Variants in HIPK2 observed in about 807,000 individuals in gnomAD.
HIPK2 encodes the protein homeodomain interacting protein kinase 2, also known as homeodomain-interacting protein kinase 2.
A neutral mutation model predicts 113.7 loss-of-function variants in HIPK2; 27 were observed. The ratio of observed to expected loss-of-function variants is 0.24; its 90% CI spans 0.17 to 0.33. HIPK2 has a LOEUF of 0.33. Ranked by LOEUF, HIPK2 falls within the 10% of genes least tolerant of loss-of-function variation. HIPK2 has a pLI of 1.00. For synonymous variants in HIPK2, 631 were observed against 642.2 expected (o/e 0.98, Z 0.26); for missense variants, 1,257 against 1,588.0 (o/e 0.79, Z 3.54).
chr7:139,660,370 G>A (rs907289486), intron 2 of HIPK2, among the ~76,000 whole-genome samples: 6 of 152,100 alleles, frequency 3.9e-5, no homozygotes, highest in Non-Finnish European at 7.4e-5. Context: ...AGCTGAATTC[G>A]CCTATCATGT....
intron 7 of HIPK2, among the ~76,000 whole-genome samples, chr7:139,618,446 G>A (rs114989399): frequency 0.011 from 1,644 of 152,168 alleles, 27 homozygotes; most frequent in African/African-American, 0.038. Context: ...CCTTACCCAC[G>A]ACTCTGGCCC....
rs185305305 is a variant in HIPK2 at position 139,672,526 on chromosome 7, C to T, written c.1104-40801G>A. On this transcript the variant is annotated intron_variant, in intron 2 of 14. Transcript: ENST00000406875. Reference sequence around the variant, plus strand: ...TGTAGCTCCAGCTGGAGTGCAATGGCGCGATCTCGGCTCACTGCAACCTCT... The same window carrying T: ...TGTAGCTCCAGCTGGAGTGCAATGGTGCGATCTCGGCTCACTGCAACCTCT... 9.9e-3 allele frequency among the ~76,000 whole-genome samples: 1,502 copies of T among 152,140 alleles called. 13 individuals carry two copies. Among genetic ancestry groups the T allele is most frequent in the Middle Eastern group, 0.034 (10 of 294 alleles).
chr7:139,731,163 C>G (rs1020739056), intron 1 of HIPK2, among the ~76,000 whole-genome samples: 10 of 152,222 alleles, frequency 6.6e-5, no homozygotes, highest in African/African-American at 2.4e-4. Context: ...AAAGGCATGT[C>G]TGTACTCAAG....
chr7:139,659,569 C>T lies in HIPK2; in HGVS notation c.1104-27844G>A, dbSNP rs13438674. Among the ~76,000 whole-genome samples the T allele has an allele frequency of 8.4e-3, 1,272 of 152,308 alleles. 21 individuals are homozygous for T. Among genetic ancestry groups the T allele is most frequent in the African/African-American group, 0.029 (1,210 of 41,570 alleles). ...AGGTCTGGACTCTGGTTAATATGGT[C>T]GTCACTGTCACCTCTGCTGTTGCTA... On this transcript the variant is annotated intron_variant, in intron 2 of 14. Transcript: ENST00000406875.
Position 139,630,892 on chromosome 7 carries a change from T to A in HIPK2, c.1347+273A>T, listed in dbSNP as rs2116892699. ...CTCTCAAGGGCAGAGTGGGGTTCGT[T>A]TCTCTCCCTAGCACAAATCAGACAG... On this transcript the variant is annotated intron_variant, in intron 4 of 14. Coordinates refer to ENST00000406875, the MANE Select transcript of HIPK2 (RefSeq NM_022740.5). The surrounding 1 kb of genome is among the most constrained non-coding windows in gnomAD (Gnocchi z 4.0). Among the ~76,000 whole-genome samples the A allele has an allele frequency of 6.6e-6, 1 of 152,324 alleles. No homozygotes were observed. The highest frequency in any genetic ancestry group is 2.1e-4 in the South Asian group (1 of 4,828).
At chr7:139,758,486 C>A (rs185417113) in intron 1 of HIPK2, among the ~76,000 whole-genome samples, 1 of 152,170 alleles carries the variant, frequency 6.6e-6, no homozygotes, top group African/African-American at 2.4e-5. Flanking sequence ...CTCCCCACCC[C>A]GCCCTGGCCC....
intron 2 of HIPK2, among the ~76,000 whole-genome samples, chr7:139,674,160 C>T (rs1802411502): frequency 6.6e-6 from 1 of 151,890 alleles, no homozygotes. Flanking sequence ...AAAGACGGTG[C>T]CAATAACTAA....
At chr7:139,717,942 C>T (rs1795297331) in intron 1 of HIPK2, among the ~76,000 whole-genome samples, 1 of 152,022 alleles carries the variant, frequency 6.6e-6, no homozygotes, top group Admixed American at 6.6e-5. Flanking sequence ...TGGGGTTTCA[C>T]CATGTTGGCC....
chr7:139,744,803 C>T (rs905108306), intron 1 of HIPK2, among the ~76,000 whole-genome samples: 14 of 152,176 alleles, frequency 9.2e-5, no homozygotes, highest in African/African-American at 1.7e-4. Context: ...ACGTTCTGCT[C>T]GCTTCACCAC....
chr7:139,603,643 G>C (rs1799516294), intron 10 of HIPK2, among the ~76,000 whole-genome samples: 2 of 152,170 alleles, frequency 1.3e-5, no homozygotes, highest in African/African-American at 4.8e-5. Flanking sequence ...ATAGACTCCA[G>C]AGTACCCCCG....
intron 2 of HIPK2, among the ~76,000 whole-genome samples, chr7:139,711,419 C>G (rs1362406599): frequency 6.6e-6 from 1 of 151,816 alleles, no homozygotes; most frequent in Non-Finnish European, 1.5e-5. Context: ...CAGAGCAAGA[C>G]TCCGTCTCAA....
chr7:139,773,861 G>A (rs1472485241), intron 1 of HIPK2, among the ~76,000 whole-genome samples: 3 of 152,166 alleles, frequency 2.0e-5, no homozygotes, highest in Non-Finnish European at 4.4e-5. Flanking sequence ...AACGGCAAAG[G>A]TTATCTTTCA....
intron 2 of HIPK2, among the ~76,000 whole-genome samples, chr7:139,701,105 C>T (rs1035272491): frequency 1.1e-4 from 16 of 152,320 alleles, no homozygotes; most frequent in South Asian, 2.1e-4. Flanking sequence ...CACGTGAATG[C>T]GTTTCTTGCA....
chr7:139,637,702 G>A (rs546525108), intron 2 of HIPK2, among the ~76,000 whole-genome samples: 51 of 152,344 alleles, frequency 3.3e-4, no homozygotes, highest in African/African-American at 1.2e-3. Flanking sequence ...CACTCATTAA[G>A]CATTTGTTGA....
chr7:139,638,139 CTT>C (rs1800873155), intron 2 of HIPK2, among the ~76,000 whole-genome samples: 1 of 152,142 alleles, frequency 6.6e-6, no homozygotes, highest in Non-Finnish European at 1.5e-5. Flanking sequence ...ATGTTGAAGA[CTT>C]TATCCTGCGC....
intron 2 of HIPK2, among the ~76,000 whole-genome samples, chr7:139,686,304 A>G (rs1426292253): frequency 6.6e-6 from 1 of 152,250 alleles, no homozygotes; most frequent in Non-Finnish European, 1.5e-5. Context: ...GTTGCTTCTT[A>G]TGAACGAGCA....
chr7:139,720,769 G>A (rs1795384360), intron 1 of HIPK2, among the ~76,000 whole-genome samples: 1 of 152,146 alleles, frequency 6.6e-6, no homozygotes, highest in African/African-American at 2.4e-5. Flanking sequence ...TTATTTTTCA[G>A]TCTTTAAGTA....
At chr7:139,776,943 A>T (rs1796771710) in intron 1 of HIPK2, 1 of 152,186 alleles carries the variant, frequency 6.6e-6, no homozygotes, top group African/African-American at 2.4e-5. Context: ...CACAACACAG[A>T]TCGACCCAGA....
Position 139,596,746 on chromosome 7 carries a change from CTCG to C in HIPK2, c.2685_2687del (p.Asp895del). On this transcript the variant is annotated inframe_deletion, in exon 12 of 15. Coordinates refer to ENST00000406875, the MANE Select transcript of HIPK2 (RefSeq NM_022740.5). ...TGGGGGCGTGTTTCTGTTCCTCCTC[CTCG>C]TCCGTGTCACTGCTGATGGTGATGA... is the stretch of plus-strand genomic sequence containing the variant. 1 of 1,613,028 alleles carries C rather than the reference CTCG, an allele frequency of 6.2e-7. No homozygotes were observed. Among genetic ancestry groups the C allele is most frequent in the Non-Finnish European group, 8.5e-7 (1 of 1,179,010 alleles).
Sources: allele counts gnomAD v4.1 joint callset (sites outside exome capture counted in the v4.1 genomes callset), GRCh38; gene constraint gnomAD v4.1.1; non-coding constraint Gnocchi (gnomAD v3.1); transcripts MANE v1.5; gene names NCBI Gene and HGNC (gene_info 2026-07-23, HGNC 2026-07-21).